Variants in TACC2 observed in about 807,000 individuals in gnomAD.
TACC2 encodes the protein transforming acidic coiled-coil-containing protein 2.
TACC2 carries 137 observed loss-of-function variants against 227.3 expected under a neutral mutation model. The observed-to-expected ratio is 0.60, with a 90% CI of 0.52 to 0.69. TACC2 has a LOEUF of 0.69. TACC2 is among the 30% of genes least tolerant of loss of function. The pLI, the probability that TACC2 is intolerant of heterozygous loss-of-function variation, is 0.00. For synonymous variants in TACC2, 1,523 were observed against 1,487.5 expected, an observed-to-expected ratio of 1.02 and a Z score of -0.55; for missense variants, 3,470 against 3,694.4, an observed-to-expected ratio of 0.94 and a Z score of 1.57.
At chr10:122,175,039 G>T (rs2093638917) in intron 7 of TACC2, among the ~76,000 whole-genome samples, 1 of 152,114 alleles carries the variant, frequency 6.6e-6, no homozygotes, top group Admixed American at 6.5e-5. Context: ...GCACAGTCAT[G>T]GCTCACTGCT....
rs768227014 is a variant in TACC2, at chr10:122,086,100, G to A, written c.3600G>A (p.Leu1200=). ...CQDALLPARE[L]GGIPRSTMDF... is the part of the protein sequence containing the mutation. Reference sequence around the variant, plus strand: ...ATGCCTTGCTGCCAGCCAGAGAGCTGGGTGGGATTCCCAGGAGCACCATGG... The same window carrying A: ...ATGCCTTGCTGCCAGCCAGAGAGCTAGGTGGGATTCCCAGGAGCACCATGG... Residue 1200 remains leucine (L), a synonymous_variant, in exon 4 of 23, where the codon CTG becomes CTA. Coordinates refer to ENST00000369005, the MANE Select transcript of TACC2 (RefSeq NM_206862.4). 6.2e-7 allele frequency: 1 copy of A among 1,613,684 alleles called. No individual in the cohort carries two copies.
rs764608403 is a variant in TACC2, at chr10:122,050,596, C to T, written c.146+46C>T. ...GACTGATGCAGCCCAAGGACTGCCC[C>T]GCTCATTGCCTGCTCCAGCATTAGC... On this transcript the variant is annotated intron_variant, in intron 3 of 22. Coordinates refer to ENST00000369005, the MANE Select transcript of TACC2 (RefSeq NM_206862.4). This position sits in a 1 kb window ranked among gnomAD's most constrained non-coding sequence, Gnocchi z 4.6. 2.7e-5 allele frequency: 39 copies of T among 1,447,434 alleles called. No individual in the cohort carries two copies. The highest frequency in any genetic ancestry group is 1.1e-4 in the Admixed American group (6 of 57,072). 89.7% of individuals were successfully genotyped at this position (1,447,434 alleles called of 1,614,324 possible).
chr10:122,008,189 T>G (rs1955434729), intron 1 of TACC2, among the ~76,000 whole-genome samples: 1 of 152,078 alleles, frequency 6.6e-6, no homozygotes, highest in Admixed American at 6.6e-5. Flanking sequence ...TGCCTTTTTT[T>G]TCCCCCTAGA....
At chr10:122,058,894 GT>G (rs34253781) in intron 3 of TACC2, among the ~76,000 whole-genome samples, 102,118 of 136,664 alleles carry the variant, frequency 0.75, 38,887 homozygotes, top group East Asian at 0.94. Context: ...CCCTCTGTGT[GT>G]TTTTTTTTTT....
At position 122,001,073 on chromosome 10, in the gene TACC2, G is replaced by A. The variant is rs575638713; in HGVS notation, c.-46+11585G>A. ...CCTGACCTCTGGTCATCCACCTGCC[G>A]TGGCTTCCCAAAGTGCTGGGATTAC... On this transcript the variant is annotated intron_variant, in intron 1 of 22. Coordinates refer to ENST00000369005, the MANE Select transcript of TACC2 (RefSeq NM_206862.4). Among the ~76,000 whole-genome samples, 51 of 152,308 alleles carry A rather than the reference G, an allele frequency of 3.3e-4. 1 individual carries two copies. In the South Asian group the frequency reaches 5.2e-3, roughly 15 times the overall value.
At chr10:122,230,302 T>A (rs767464199) in intron 15 of TACC2, 49 bp from the exon 16 acceptor site, 1 of 1,486,082 alleles carries the variant, frequency 6.7e-7, no homozygotes, top group Non-Finnish European at 9.4e-7. Context: ...ACCATTGACG[T>A]CTGTCTTGAT....
Position 122,150,304 on chromosome 10 carries a change from C to A in TACC2, c.5834+6598C>A, listed in dbSNP as rs7912558. 0.97 allele frequency among the ~76,000 whole-genome samples: 147,000 copies of A among 152,266 alleles called. 71,165 individuals carry two copies. Among genetic ancestry groups the A allele is most frequent in the Non-Finnish European group, 1 (67,883 of 68,026 alleles). ...GCTCAGGGAGGAACATATGGGCAGG[C>A]ATCTGTGAGGGCGTGGCTGGACGTG... On this transcript the variant is annotated intron_variant, in intron 7 of 22. Transcript: ENST00000369005. This position sits in a 1 kb window ranked among gnomAD's most constrained non-coding sequence, Gnocchi z 4.0.
chr10:122,103,538 GTGTTCT>G (rs2082403043), intron 5 of TACC2, among the ~76,000 whole-genome samples: 2 of 152,184 alleles, frequency 1.3e-5, no homozygotes, highest in Admixed American at 1.3e-4. Context: ...TACCTTTTTG[GTGTTCT>G]TTTACCAGTT....
chr10:122,007,948 C>G (rs1310106959), intron 1 of TACC2, among the ~76,000 whole-genome samples: 1 of 152,178 alleles, frequency 6.6e-6, no homozygotes, highest in Non-Finnish European at 1.5e-5. Flanking sequence ...ACTCTAGCCT[C>G]TTGCCATGTG....
chr10:122,232,928 A>G (rs1229369221), intron 16 of TACC2, among the ~76,000 whole-genome samples: 6 of 152,210 alleles, frequency 3.9e-5, no homozygotes, highest in Admixed American at 3.9e-4. Flanking sequence ...TTGCTAGCAC[A>G]AAGATGAAAT....
chr10:122,067,469 C>T (rs541791885), intron 3 of TACC2, among the ~76,000 whole-genome samples: 27 of 149,876 alleles, frequency 1.8e-4, no homozygotes, highest in South Asian at 4.2e-4. Context: ...AGTTTGGTTA[C>T]GATATGCCTT....
chr10:122,081,315 C>T (rs1011220252), intron 3 of TACC2, among the ~76,000 whole-genome samples: 25 of 149,294 alleles, frequency 1.7e-4, no homozygotes, highest in South Asian at 2.1e-4. Context: ...GTTAGGAGAT[C>T]GAGACCATCC....
intron 7 of TACC2, among the ~76,000 whole-genome samples, chr10:122,190,508 C>T (rs991564037): frequency 6.6e-6 from 1 of 152,160 alleles, no homozygotes. Context: ...CAGTCTGTCC[C>T]CACCTGGGGT....
rs2137087729 is a variant in TACC2, at chr10:122,083,369, G to A, written c.869G>A (p.Arg290Lys). 2 of 1,613,956 alleles carry A rather than the reference G, an allele frequency of 1.2e-6. No homozygotes were observed. The highest frequency in any genetic ancestry group is 1.7e-6 in the Non-Finnish European group (2 of 1,180,024). The change falls in exon 4 of 23, where the codon AGA becomes AAA. Residue 290 changes from arginine (R) to lysine (K), a missense_variant. Coordinates refer to ENST00000369005, the MANE Select transcript of TACC2 (RefSeq NM_206862.4). ...GCCCCAAGAGCCTCAGACAGAGAAA[G>A]AGGCCAAGGGGAGGCGCCGCCTCAG... ...DPAPRASDRE[R>K]GQGEAPPQYL...
chr10:122,227,919 C>T lies in TACC2; in HGVS notation c.7807C>T (p.Gln2603Ter). 1 of 1,614,246 alleles carries T rather than the reference C, an allele frequency of 6.2e-7. No homozygotes were observed. Among genetic ancestry groups the T allele is most frequent in the Non-Finnish European group, 8.5e-7 (1 of 1,180,038 alleles). The change falls in exon 14 of 23, where the codon CAA becomes TAA. Residue 2603 changes from glutamine to a stop codon, truncating the protein, a stop_gained. Coordinates refer to ENST00000369005, the MANE Select transcript of TACC2 (RefSeq NM_206862.4). LOFTEE classifies it high-confidence loss of function. ...TGTCCCACGAGGACTGGCCCCTAAC[C>T]AAGAGTCACACTTGCAGGTGCCAGA... is the stretch of plus-strand genomic sequence containing the variant. ...HPVPRGLAPN[Q>*]ESHLQVPEKS...
rs201980895 is a variant in TACC2, at chr10:122,050,487, G to A, written c.83G>A (p.Ser28Asn). Residue 28 changes from serine (S) to asparagine (N), a missense_variant, in exon 3 of 23, where the codon AGT becomes AAT. Coordinates refer to ENST00000369005, the MANE Select transcript of TACC2 (RefSeq NM_206862.4). The surrounding 1 kb of genome is among the most constrained non-coding windows in gnomAD (Gnocchi z 4.6). The stretch of plus-strand genomic sequence containing the variant: ...AGGTCCGCGCAGCCACCCGGGAACA[G>A]TCAGAATATAAAAAGGAAGCAGCAG... ...TPRSAQPPGN[S>N]QNIKRKQQDT... is the part of the protein sequence containing the mutation. 2 of 1,614,108 alleles carry A rather than the reference G, an allele frequency of 1.2e-6. No homozygotes were observed. Among genetic ancestry groups the A allele is most frequent in the Admixed American group, 1.7e-5 (1 of 60,020 alleles).
At chr10:122,186,167 G>A (rs907393449) in intron 7 of TACC2, among the ~76,000 whole-genome samples, 1 of 152,122 alleles carries the variant, frequency 6.6e-6, no homozygotes, top group Admixed American at 6.5e-5. Flanking sequence ...GACTTCAGGT[G>A]ATCCACCCGC....
At chr10:122,184,255 C>G (rs2094095314) in intron 7 of TACC2, among the ~76,000 whole-genome samples, 1 of 152,152 alleles carries the variant, frequency 6.6e-6, no homozygotes, top group South Asian at 2.1e-4. Context: ...GTCTTGCTGG[C>G]TGGGGGAGCA....
chr10:122,084,384 C>T lies in TACC2; in HGVS notation c.1884C>T (p.Pro628=). 1 of 1,613,360 alleles carries T rather than the reference C, an allele frequency of 6.2e-7. No individual in the cohort carries two copies. Among genetic ancestry groups the T allele is most frequent in the Non-Finnish European group, 8.5e-7 (1 of 1,180,032 alleles). ...PSSDAESRDH[P]SSHSAQPPRK... is the part of the protein sequence containing the mutation. ...GTGATGCAGAGAGCAGAGACCATCC[C>T]AGCTCACACTCAGCACAGCCACCCA... Residue 628 remains proline (P), a synonymous_variant, in exon 4 of 23, where the codon CCC becomes CCT. Coordinates refer to ENST00000369005, the MANE Select transcript of TACC2 (RefSeq NM_206862.4).
Sources: gnomAD v4.1 joint callset for allele counts (sites outside exome capture counted in the v4.1 genomes callset) on GRCh38, gnomAD v4.1.1 for gene constraint, Gnocchi (gnomAD v3.1) non-coding constraint, MANE v1.5 for transcripts, NCBI Gene and HGNC (gene_info 2026-07-23, HGNC 2026-07-21) for gene names.